The following PARD3B variants were observed in gnomAD, a reference collection of about 807,000 sequenced individuals.
The protein encoded by PARD3B is partitioning defective 3 homolog B.
In PARD3B, 103 loss-of-function variants were observed where a neutral mutation model predicts 130.2. The ratio of observed to expected loss-of-function variants is 0.79; its 90% CI spans 0.67 to 0.93. PARD3B has a LOEUF of 0.93. Among genes scored for constraint, PARD3B ranks in the 40% least tolerant of loss-of-function variants. The pLI, the probability that PARD3B is intolerant of heterozygous loss-of-function variation, is 0.00. For synonymous variants in PARD3B, 583 were observed against 553.2 expected, an observed-to-expected ratio of 1.05 and a Z score of -0.76; for missense variants, 1,609 against 1,499.2, an observed-to-expected ratio of 1.07 and a Z score of -1.21.
intron 2 of PARD3B, among the ~76,000 whole-genome samples, chr2:204,777,184 A>C (rs2041657089): frequency 6.6e-6 from 1 of 152,220 alleles, no homozygotes; most frequent in Non-Finnish European, 1.5e-5. Flanking sequence ...CCCAGTAGAG[A>C]CCAAATAACT....
At chr2:204,556,434 C>G (rs2030926354) in intron 1 of PARD3B, among the ~76,000 whole-genome samples, 1 of 152,104 alleles carries the variant, frequency 6.6e-6, no homozygotes, top group African/African-American at 2.4e-5. Flanking sequence ...CGTGAATAAG[C>G]CAGTTTTGCT....
intron 1 of PARD3B, among the ~76,000 whole-genome samples, chr2:204,642,044 T>C (rs1377527794): frequency 3.9e-5 from 6 of 152,236 alleles, no homozygotes; most frequent in African/African-American, 7.2e-5. Context: ...TACTTTGCCT[T>C]ATTTAGAAAT....
intron 1 of PARD3B, among the ~76,000 whole-genome samples, chr2:204,605,504 A>C (rs1294495491): frequency 6.6e-6 from 1 of 152,136 alleles, no homozygotes; most frequent in Non-Finnish European, 1.5e-5. Context: ...TGAGGTGTGA[A>C]TGCTGATCAT....
chr2:204,984,353 C>T (rs1692944398), intron 3 of PARD3B, among the ~76,000 whole-genome samples: 2 of 152,052 alleles, frequency 1.3e-5, no homozygotes, highest in African/African-American at 4.8e-5. Flanking sequence ...AATGCTACCA[C>T]TTTATCACTG....
At chr2:204,674,646 C>T (rs528721176) in intron 1 of PARD3B, among the ~76,000 whole-genome samples, 28 of 152,226 alleles carry the variant, frequency 1.8e-4, no homozygotes, top group African/African-American at 6.3e-4. Context: ...AGTACCTCTT[C>T]TGCAATAAAT....
At chr2:205,298,420 T>A (rs1338765864) in intron 16 of PARD3B, among the ~76,000 whole-genome samples, 1 of 152,202 alleles carries the variant, frequency 6.6e-6, no homozygotes, top group Non-Finnish European at 1.5e-5. Flanking sequence ...TGCCTCTTTC[T>A]GGATTTAATA....
intron 20 of PARD3B, among the ~76,000 whole-genome samples, chr2:205,469,885 A>G (rs1339093660): frequency 6.6e-6 from 1 of 152,202 alleles, no homozygotes; most frequent in Non-Finnish European, 1.5e-5. Context: ...TAATTTCTCA[A>G]CCATGCTGAC....
At chr2:204,925,140 A>G (rs1687501564) in intron 2 of PARD3B, among the ~76,000 whole-genome samples, 1 of 152,072 alleles carries the variant, frequency 6.6e-6, no homozygotes, top group Non-Finnish European at 1.5e-5. Flanking sequence ...TAGCTGATGC[A>G]GATGTGGGAA....
intron 5 of PARD3B, among the ~76,000 whole-genome samples, chr2:205,112,887 T>C (rs1199196207): frequency 6.6e-6 from 1 of 152,176 alleles, no homozygotes; most frequent in Admixed American, 6.5e-5. Flanking sequence ...GTATAGGAGG[T>C]GAAAATTTGG....
intron 18 of PARD3B, among the ~76,000 whole-genome samples, chr2:205,318,146 G>T (rs561740018): frequency 6.6e-6 from 1 of 152,192 alleles, no homozygotes; most frequent in African/African-American, 2.4e-5. Flanking sequence ...CCCATTGATA[G>T]GTTTCTTCTC....
intron 16 of PARD3B, among the ~76,000 whole-genome samples, chr2:205,270,868 C>T (rs1370581326): frequency 6.6e-6 from 1 of 152,094 alleles, no homozygotes; most frequent in Non-Finnish European, 1.5e-5. Context: ...ACGGCTTTAA[C>T]ACATTTCCAC....
At chr2:204,876,799 A>C (rs772260423) in intron 2 of PARD3B, among the ~76,000 whole-genome samples, 12 of 152,160 alleles carry the variant, frequency 7.9e-5, no homozygotes, top group Non-Finnish European at 1.6e-4. Flanking sequence ...GTCTTGACTG[A>C]AAAGCCCTTA....
chr2:204,775,487 G>A (rs547373627), intron 2 of PARD3B, among the ~76,000 whole-genome samples: 1 of 152,224 alleles, frequency 6.6e-6, no homozygotes, highest in South Asian at 2.1e-4. Flanking sequence ...TGAGGAAAAT[G>A]AGATTTAAGC....
chr2:204,812,084 A>G (rs1015647158), intron 2 of PARD3B, among the ~76,000 whole-genome samples: 6 of 152,112 alleles, frequency 3.9e-5, no homozygotes, highest in Non-Finnish European at 8.8e-5. Context: ...CTATCACTGT[A>G]TATTAGTTTG....
chr2:205,120,597 C>T (rs773913615), intron 7 of PARD3B, among the ~76,000 whole-genome samples: 1 of 152,176 alleles, frequency 6.6e-6, no homozygotes, highest in Non-Finnish European at 1.5e-5. Flanking sequence ...GAAGAGGGCA[C>T]TCCACAGTTA....
At chr2:205,131,384 T>C (rs1281969612) in intron 10 of PARD3B, among the ~76,000 whole-genome samples, 1 of 152,182 alleles carries the variant, frequency 6.6e-6, no homozygotes, top group East Asian at 1.9e-4. Context: ...AGACAGAGTT[T>C]CTTTTTCAGC....
At chr2:205,177,687 T>C (rs898927800) in intron 13 of PARD3B, among the ~76,000 whole-genome samples, 3 of 152,222 alleles carry the variant, frequency 2.0e-5, no homozygotes, top group Non-Finnish European at 2.9e-5. Flanking sequence ...AATGGGATGT[T>C]GTTTTTTCCA....
intron 2 of PARD3B, among the ~76,000 whole-genome samples, chr2:204,781,923 A>G (rs2041846175): frequency 6.6e-6 from 1 of 152,064 alleles, no homozygotes; most frequent in African/African-American, 2.4e-5. Flanking sequence ...ATTATGTGCT[A>G]ATAGTTTTTC....
At chr2:205,044,429 C>A (rs368370189) in intron 3 of PARD3B, among the ~76,000 whole-genome samples, 12,007 of 144,530 alleles carry the variant, frequency 0.083, 477 homozygotes, top group Non-Finnish European at 0.098. Flanking sequence ...CCAACAGTGT[C>A]AAAGTGTTCC....
Sources: allele counts gnomAD v4.1 joint callset (sites outside exome capture counted in the v4.1 genomes callset), GRCh38; gene constraint gnomAD v4.1.1; transcripts MANE v1.5; gene names NCBI Gene and HGNC (gene_info 2026-07-23, HGNC 2026-07-21).